WDR70: variants seen among roughly 807,000 people sequenced by gnomAD.
WDR70 encodes WD repeat-containing protein 70.
WDR70 carries 53 observed loss-of-function variants against 88.6 expected under a neutral mutation model. The observed-to-expected ratio is 0.60, with a 90% CI of 0.48 to 0.75. The LOEUF (loss-of-function observed/expected upper bound fraction) is 0.75. Among genes scored for constraint, WDR70 ranks in the 30% least tolerant of loss-of-function variants. The pLI, the probability that WDR70 is intolerant of heterozygous loss-of-function variation, is 0.00. For synonymous variants in WDR70, 280 were observed against 270.0 expected, an observed-to-expected ratio of 1.04 and a Z score of -0.36; for missense variants, 610 against 823.2, an observed-to-expected ratio of 0.74 and a Z score of 3.17.
chr5:37,676,978 G>A (rs189123559), intron 10 of WDR70, among the ~76,000 whole-genome samples: 4,823 of 152,108 alleles, frequency 0.032, 103 homozygotes, highest in Middle Eastern at 0.11. Context: ...TGTATGTGTC[G>A]AGGAATTTAT....
chr5:37,438,535 C>T (rs890090137), intron 6 of WDR70, among the ~76,000 whole-genome samples: 6 of 151,936 alleles, frequency 3.9e-5, no homozygotes, highest in Non-Finnish European at 8.8e-5. Context: ...ATCATTGTAT[C>T]TTATTGCAAA....
intron 17 of WDR70, among the ~76,000 whole-genome samples, chr5:37,729,350 G>GC (rs1748075998): frequency 6.6e-6 from 1 of 150,794 alleles, no homozygotes; most frequent in East Asian, 2.0e-4. Context: ...ATACATGTAT[G>GC]CATACTAAGC....
At chr5:37,727,123 G>A in intron 17 of WDR70, 78 bp downstream of exon 17, 2 of 1,499,828 alleles carry the variant, frequency 1.3e-6, no homozygotes. Flanking sequence ...TTGTTTTTGA[G>A]TTCTAACTTC....
chr5:37,573,177 AT>A (rs1045225256), intron 9 of WDR70, among the ~76,000 whole-genome samples: 1 of 151,810 alleles, frequency 6.6e-6, no homozygotes, highest in Admixed American at 6.6e-5. Context: ...TTCTCCTGTA[AT>A]TTTTTTCTTC....
chr5:37,507,031 C>A (rs375004309), intron 8 of WDR70, among the ~76,000 whole-genome samples: 2 of 152,114 alleles, frequency 1.3e-5, no homozygotes, highest in African/African-American at 4.8e-5. Flanking sequence ...ACACCCAGGG[C>A]TCGGCCAGTC....
chr5:37,419,506 T>A (rs532406372), intron 5 of WDR70, among the ~76,000 whole-genome samples: 3 of 151,522 alleles, frequency 2.0e-5, no homozygotes, highest in African/African-American at 7.3e-5. Context: ...GCCCAGCTGC[T>A]TTTCTTTTTT....
rs184825284 is a variant in WDR70 at position 37,656,694 on chromosome 5, G to A, written c.1093-40961G>A. 1.3e-3 allele frequency among the ~76,000 whole-genome samples: 199 copies of A among 152,332 alleles called. 1 individual carries two copies. Among genetic ancestry groups the A allele is most frequent in the African/African-American group, 4.7e-3 (194 of 41,570 alleles). ...AGACTGGCTACAGCTGCTTTGCTGA[G>A]CTGTGGTGGGCTCTGCCCAGTTCGA... On this transcript the variant is annotated intron_variant, in intron 10 of 17. Coordinates refer to ENST00000265107, the MANE Select transcript of WDR70 (RefSeq NM_018034.4).
chr5:37,705,164 G>A (rs1747285854), intron 13 of WDR70, among the ~76,000 whole-genome samples: 1 of 152,054 alleles, frequency 6.6e-6, no homozygotes, highest in South Asian at 2.1e-4. Flanking sequence ...GTATGCAGAT[G>A]GTTTAATAAG....
At position 37,396,319 on chromosome 5, in the gene WDR70, C is replaced by T. The variant is rs985705210; in HGVS notation, c.297-56C>T. The T allele has an allele frequency of 1.2e-5, 18 of 1,476,302 alleles. No homozygotes were observed. The African/African-American group carries it at 1.8e-4, about 15-fold the overall frequency. 91.5% of individuals were successfully genotyped at this position (1,476,302 alleles called of 1,614,324 possible). ...TATCCTGAGAAATGAATACTATTTC[C>T]AAAGTGTGCTCTTCATTGCAGCAGA... is the stretch of plus-strand genomic sequence containing the variant. On this transcript the variant is annotated intron_variant, in intron 4 of 17. Transcript: ENST00000265107.
At chr5:37,752,201 A>G (rs1748834198) in intron 17 of WDR70, among the ~76,000 whole-genome samples, 1 of 152,150 alleles carries the variant, frequency 6.6e-6, no homozygotes, top group African/African-American at 2.4e-5. Context: ...GGATGGGTGA[A>G]GTTCCACTGA....
At chr5:37,673,174 T>C (rs1039589584) in intron 10 of WDR70, among the ~76,000 whole-genome samples, 1 of 152,166 alleles carries the variant, frequency 6.6e-6, no homozygotes, top group African/African-American at 2.4e-5. Context: ...GTTCCTGTGT[T>C]AGTTTGCTAA....
intron 9 of WDR70, among the ~76,000 whole-genome samples, chr5:37,562,531 G>A (rs1463664510): frequency 6.6e-6 from 1 of 151,720 alleles, no homozygotes; most frequent in Non-Finnish European, 1.5e-5. Context: ...GTGGAGGGAA[G>A]GTCAGCAGAT....
At chr5:37,659,003 T>C (rs10058062) in intron 10 of WDR70, among the ~76,000 whole-genome samples, 16,096 of 152,242 alleles carry the variant, frequency 0.11, 2,742 homozygotes, top group African/African-American at 0.36. Flanking sequence ...ATCTCCATAC[T>C]AGAAGGTTCT....
Position 37,506,119 on chromosome 5 carries a change from G to T in WDR70, c.841-10395G>T, listed in dbSNP as rs1009935048. ...AGATTTGCATGTGCAAGATTGCAGC[G>T]GCTTAAATTGGCCATTTTGAAGTTA... On this transcript the variant is annotated intron_variant, in intron 8 of 17. Transcript: ENST00000265107. 6.2e-6 allele frequency: 7 copies of T among 1,120,104 alleles called. No homozygotes were observed. In the Admixed American group the frequency reaches 6.7e-5, roughly 11 times the overall value. 69.4% of individuals were successfully genotyped at this position (1,120,104 alleles called of 1,614,324 possible). A position where few individuals can be genotyped will look rare whatever the true frequency, so the allele number is the denominator to read the frequency against.
intron 10 of WDR70, among the ~76,000 whole-genome samples, chr5:37,661,795 C>T (rs1215738405): frequency 2.6e-5 from 4 of 152,094 alleles, no homozygotes; most frequent in Non-Finnish European, 5.9e-5. Context: ...TCTCAAGCAC[C>T]GATCTTAGGT....
intron 5 of WDR70, among the ~76,000 whole-genome samples, chr5:37,402,919 T>TTTCCCTCC (rs1226106047): frequency 2.1e-5 from 3 of 145,522 alleles, no homozygotes; most frequent in African/African-American, 7.6e-5. Flanking sequence ...TCCTTCCCTC[T>TTTCCCTCC]TTCCCTCCTT....
chr5:37,439,751 A>G (rs1282770648), intron 6 of WDR70, among the ~76,000 whole-genome samples: 1 of 151,832 alleles, frequency 6.6e-6, no homozygotes, highest in African/African-American at 2.4e-5. Context: ...AGTTATTTTA[A>G]AAAGGTCCAT....
chr5:37,746,796 A>G (rs1218704280), intron 17 of WDR70, among the ~76,000 whole-genome samples: 1 of 152,210 alleles, frequency 6.6e-6, no homozygotes, highest in Non-Finnish European at 1.5e-5. Flanking sequence ...CAACTAGAAA[A>G]AGCCCACAAC....
rs530595220 is a variant in WDR70 at position 37,418,882 on chromosome 5, G to C, written c.493-19040G>C. On this transcript the variant is annotated intron_variant, in intron 5 of 17. Transcript: ENST00000265107. ...AGGTTCAAGCAATTCTCCTGCCTCA[G>C]CCTCCTGGGTAGCTGGGATTACAGG... Among the ~76,000 whole-genome samples, 9 of 152,116 alleles carry C rather than the reference G, an allele frequency of 5.9e-5. No individual in the cohort carries two copies. The South Asian group carries it at 1.7e-3, about 28-fold the overall frequency.
Sources: gnomAD v4.1 joint callset for allele counts (sites outside exome capture counted in the v4.1 genomes callset) on GRCh38, gnomAD v4.1.1 for gene constraint, MANE v1.5 for transcripts, NCBI Gene and HGNC (gene_info 2026-07-23, HGNC 2026-07-21) for gene names.